The following TXNDC12 variants were observed in gnomAD, a reference collection of about 807,000 sequenced individuals.
TXNDC12 encodes the protein thioredoxin domain-containing protein 12.
TXNDC12 carries 22 observed loss-of-function variants against 24.2 expected under a neutral mutation model. The ratio of observed to expected loss-of-function variants is 0.91; its 90% CI spans 0.65 to 1.30. The LOEUF (loss-of-function observed/expected upper bound fraction) is 1.30. Among genes scored for constraint, TXNDC12 ranks in the 50% most tolerant of loss-of-function variants. The probability of loss-of-function intolerance (pLI) is 0.00; values close to 1 mark genes in which losing one functional copy is unlikely to be tolerated. For missense variants in TXNDC12, 184 were observed against 205.8 expected (o/e 0.89, Z 0.65); for synonymous variants, 58 against 73.4 (o/e 0.79, Z 1.07).
At chr1:52,035,570 G>A (rs984279819) in intron 2 of TXNDC12, among the ~76,000 whole-genome samples, 8 of 152,162 alleles carry the variant, frequency 5.3e-5, no homozygotes, top group African/African-American at 1.4e-4. Flanking sequence ...AAAATTAGTC[G>A]GGTGGGGTAG....
chr1:52,048,272 C>G (rs1304871474), intron 1 of TXNDC12, among the ~76,000 whole-genome samples: 1 of 151,988 alleles, frequency 6.6e-6, no homozygotes, highest in East Asian at 1.9e-4. Flanking sequence ...CGAGGCCAGT[C>G]TGGGCAACAT....
chr1:52,023,827 T>C (rs187823749), intron 5 of TXNDC12, among the ~76,000 whole-genome samples: 116 of 152,192 alleles, frequency 7.6e-4, no homozygotes, highest in Middle Eastern at 3.4e-3. Flanking sequence ...ATAAAATTAT[T>C]TGTGGAAAGA....
chr1:52,032,278 A>C, intron 2 of TXNDC12: 1 of 993,284 alleles, frequency 1.0e-6, no homozygotes, highest in Non-Finnish European at 1.2e-6. Context: ...TGTGGTATGA[A>C]AAAAGGGCAG....
chr1:52,022,930 C>G (rs1031568819), intron 6 of TXNDC12: 1 of 152,710 alleles, frequency 6.5e-6, no homozygotes, highest in Non-Finnish European at 1.5e-5. Context: ...TGAGCCACCA[C>G]GCCCAGCCCG....
chr1:52,033,126 T>G, intron 2 of TXNDC12: 1 of 1,614,028 alleles, frequency 6.2e-7, no homozygotes, highest in Non-Finnish European at 8.5e-7. Flanking sequence ...AGCGCAGCGT[T>G]AGGGCCTCCA....
At chr1:52,033,418 G>A (rs1293928406) in intron 2 of TXNDC12, 1 of 1,451,384 alleles carries the variant, frequency 6.9e-7, no homozygotes, top group South Asian at 1.3e-5. Flanking sequence ...CTGAGGTCCC[G>A]CGATCGGGCC....
At chr1:52,026,244 T>C (rs1042171198) in intron 4 of TXNDC12, among the ~76,000 whole-genome samples, 10 of 152,172 alleles carry the variant, frequency 6.6e-5, no homozygotes, top group African/African-American at 2.4e-4. Context: ...TGAGAGTACC[T>C]ATTCTTATCA....
At chr1:52,023,182 GA>G (rs554339452) in intron 6 of TXNDC12, 10 of 274,196 alleles carry the variant, frequency 3.6e-5, no homozygotes, top group Non-Finnish European at 7.0e-5. Context: ...AGCTCAGTAG[GA>G]AAAAAACTAA....
At chr1:52,041,282 G>A (rs758995627) in intron 2 of TXNDC12, among the ~76,000 whole-genome samples, 1 of 150,684 alleles carries the variant, frequency 6.6e-6, no homozygotes, top group Non-Finnish European at 1.5e-5. Flanking sequence ...GCAGTGAGCC[G>A]AGATCGTGCC....
chr1:52,027,496 C>G (rs770333013), intron 3 of TXNDC12, 148 bp from the exon 4 acceptor site: 73 of 600,652 alleles, frequency 1.2e-4, no homozygotes, highest in Non-Finnish European at 1.9e-4. Flanking sequence ...CTCTAAAAAA[C>G]AAGAATTAGG....
chr1:52,044,462 CAAT>C (rs1234677106), intron 1 of TXNDC12, among the ~76,000 whole-genome samples: 3 of 152,164 alleles, frequency 2.0e-5, no homozygotes, highest in African/African-American at 4.8e-5. Context: ...CCAGGATAGC[CAAT>C]GAAGAAGAAC....
chr1:52,033,163 G>A, intron 2 of TXNDC12: 4 of 1,614,246 alleles, frequency 2.5e-6, no homozygotes, highest in Non-Finnish European at 3.4e-6. Context: ...AAAGGCACCG[G>A]ACCCATGCTT....
intron 4 of TXNDC12, among the ~76,000 whole-genome samples, chr1:52,027,072 C>T (rs1685681827): frequency 6.6e-6 from 1 of 152,020 alleles, no homozygotes. Context: ...TTCAATCTCT[C>T]CTCTCCTAGT....
At chr1:52,032,718 A>G in intron 2 of TXNDC12, 1 of 1,610,958 alleles carries the variant, frequency 6.2e-7, no homozygotes, top group Non-Finnish European at 8.5e-7. Context: ...TCTGGCTCAA[A>G]TACTGAAGAA....
intron 2 of TXNDC12, among the ~76,000 whole-genome samples, chr1:52,040,752 C>T (rs1399074320): frequency 6.6e-6 from 1 of 151,990 alleles, no homozygotes; most frequent in African/African-American, 2.4e-5. Flanking sequence ...GTTGTTTGGC[C>T]GGGCGTGGTG....
intron 1 of TXNDC12, among the ~76,000 whole-genome samples, chr1:52,054,548 T>G (rs764059819): frequency 8.5e-5 from 13 of 152,312 alleles, no homozygotes; most frequent in Non-Finnish European, 1.5e-4. Context: ...GGGATGCAGG[T>G]GCTGTTTCCC....
intron 4 of TXNDC12, among the ~76,000 whole-genome samples, chr1:52,026,323 A>C (rs1240902175): frequency 6.6e-6 from 1 of 152,150 alleles, no homozygotes; most frequent in African/African-American, 2.4e-5. Context: ...CTTTCTGTAA[A>C]ATGAGGATAG....
intron 2 of TXNDC12, among the ~76,000 whole-genome samples, chr1:52,036,501 G>A (rs996946012): frequency 2.6e-5 from 4 of 152,286 alleles, no homozygotes; most frequent in African/African-American, 9.6e-5. Flanking sequence ...GGATGGCAGA[G>A]GCAGAAGAGG....
intron 2 of TXNDC12, among the ~76,000 whole-genome samples, chr1:52,039,239 C>T (rs1307176622): frequency 2.6e-5 from 4 of 152,072 alleles, no homozygotes; most frequent in African/African-American, 9.7e-5. Context: ...TCCAGCATCA[C>T]CAATGGCACC....
Sources: gnomAD v4.1 joint callset for allele counts (sites outside exome capture counted in the v4.1 genomes callset) on GRCh38, gnomAD v4.1.1 for gene constraint, MANE v1.5 for transcripts, NCBI Gene and HGNC (gene_info 2026-07-23, HGNC 2026-07-21) for gene names.